NDUFA10: variants seen among roughly 807,000 people sequenced by gnomAD.
The protein encoded by NDUFA10 is NADH:ubiquinone oxidoreductase subunit A10, also known as NADH dehydrogenase [ubiquinone] 1 alpha subcomplex subunit 10, mitochondrial.
Under a neutral mutation model 47.8 loss-of-function variants are expected in NDUFA10, and 40 were observed. The observed-to-expected ratio is 0.84, with a 90% CI of 0.65 to 1.09. The LOEUF (loss-of-function observed/expected upper bound fraction) is 1.09. Ranked by LOEUF, NDUFA10 falls within the 50% of genes least tolerant of loss-of-function variation. The pLI, the probability that NDUFA10 is intolerant of heterozygous loss-of-function variation, is 0.00. For synonymous variants in NDUFA10, 183 were observed against 172.2 expected (o/e 1.06, Z -0.49); for missense variants, 413 against 451.1 (o/e 0.92, Z 0.76).
At chr2:239,976,007 T>G (rs1421466907) in intron 9 of NDUFA10, among the ~76,000 whole-genome samples, 3 of 152,222 alleles carry the variant, frequency 2.0e-5, no homozygotes, top group African/African-American at 4.8e-5. Flanking sequence ...AAAATTTATC[T>G]GATAGGGTTT....
chr2:239,916,198 A>G (rs1310824649), intron 4 of NDUFA10, among the ~76,000 whole-genome samples: 1 of 151,880 alleles, frequency 6.6e-6, no homozygotes, highest in Non-Finnish European at 1.5e-5. Context: ...CACAGAACAC[A>G]CACATACATA....
chr2:239,949,066 G>T (rs570428354), intron 4 of NDUFA10, among the ~76,000 whole-genome samples: 1 of 152,288 alleles, frequency 6.6e-6, no homozygotes, highest in East Asian at 1.9e-4. Context: ...CCCCACGAAT[G>T]CAATGGACAC....
At chr2:239,971,070 TA>T (rs1477240132) in intron 9 of NDUFA10, among the ~76,000 whole-genome samples, 1 of 152,254 alleles carries the variant, frequency 6.6e-6, no homozygotes, top group African/African-American at 2.4e-5. Flanking sequence ...ACAGCCCTAC[TA>T]CTGCTCTAGG....
chr2:240,011,835 G>T, intron 5 of NDUFA10, 139 bp from the exon 6 acceptor site: 1 of 742,570 alleles, frequency 1.3e-6, no homozygotes. Context: ...ACTGCGGGGT[G>T]ACAGCAAAGG....
At position 239,910,608 on chromosome 2, in the gene NDUFA10, G is replaced by A. The variant is rs1693734868; in HGVS notation, c.295-15294C>T. On this transcript the variant is annotated intron_variant, in intron 4 of 5. Coordinates refer to the NDUFA10 transcript ENST00000419408. ...AGGATCAGGAAGAGTAGCTATGGAT[G>A]CTGGGCTTAGTACCTGGGTGATGGG... Among the ~76,000 whole-genome samples, 4 of 152,112 alleles carry A rather than the reference G, an allele frequency of 2.6e-5. 1 individual carries two copies. The South Asian group carries it at 8.3e-4, about 32-fold the overall frequency.
chr2:239,990,020 C>T (rs769146731), intron 9 of NDUFA10, 54 bp downstream of exon 9: 14 of 1,292,194 alleles, frequency 1.1e-5, no homozygotes, highest in Non-Finnish European at 1.6e-5. Context: ...TGCATTGTCC[C>T]CAGGTGCTGC....
At chr2:239,926,884 A>G (rs182741837) in intron 4 of NDUFA10, among the ~76,000 whole-genome samples, 2 of 152,328 alleles carry the variant, frequency 1.3e-5, no homozygotes, top group Admixed American at 6.5e-5. Context: ...AGGCCTCACA[A>G]TCATGGTGGA....
intron 4 of NDUFA10, among the ~76,000 whole-genome samples, chr2:239,920,277 C>G (rs372434956): frequency 1.3e-5 from 2 of 152,344 alleles, no homozygotes; most frequent in East Asian, 1.9e-4. Flanking sequence ...GGACTGCCAT[C>G]CTGCAGAGCT....
At chr2:239,980,584 A>G (rs1297772437) in intron 9 of NDUFA10, among the ~76,000 whole-genome samples, 1 of 152,236 alleles carries the variant, frequency 6.6e-6, no homozygotes, top group East Asian at 1.9e-4. Context: ...ACCAGCACCA[A>G]AACAGGGTTT....
chr2:240,020,602 G>A (rs1258290042), intron 3 of NDUFA10, among the ~76,000 whole-genome samples: 1 of 152,048 alleles, frequency 6.6e-6, no homozygotes, highest in African/African-American at 2.4e-5. Flanking sequence ...TCTGATCCCT[G>A]TTTCCGTCTC....
In NDUFA10 at chr2:240,016,861, C is replaced by T. The variant is rs1697369872; in HGVS notation, c.547+1692G>A. Among the ~76,000 whole-genome samples, 1 of 152,178 alleles carries T rather than the reference C, an allele frequency of 6.6e-6. No individual in the cohort carries two copies. Among genetic ancestry groups the T allele is most frequent in the African/African-American group, 2.4e-5 (1 of 41,430 alleles). On this transcript the variant is annotated intron_variant, in intron 4 of 9. Transcript: ENST00000252711. The surrounding 1 kb of genome is among the most constrained non-coding windows in gnomAD (Gnocchi z 4.4). ...TCTCCTGCCACCTTGCCATGGGAAC[C>T]TCACACTCAGGAATCCAACGCCCAA...
At chr2:240,004,217 A>G (rs1696847422) in intron 8 of NDUFA10, among the ~76,000 whole-genome samples, 1 of 152,146 alleles carries the variant, frequency 6.6e-6, no homozygotes. Flanking sequence ...AGGGCCAGGG[A>G]GCAGCATGAA....
rs149850187 is a variant in NDUFA10 at position 239,921,790 on chromosome 2, C to T, written c.295-26476G>A. ...CCAGTTCCCTCTGGGTGAGGCCTCACGGAACCAGGCTCAGCCAGATCTGGG... is the reference window on the plus strand; with the variant it reads ...CCAGTTCCCTCTGGGTGAGGCCTCATGGAACCAGGCTCAGCCAGATCTGGG... On this transcript the variant is annotated intron_variant, in intron 4 of 5. Transcript: ENST00000419408. Among the ~76,000 whole-genome samples the T allele has an allele frequency of 4.1e-3, 623 of 152,230 alleles. 4 individuals carry two copies. Among genetic ancestry groups the T allele is most frequent in the Middle Eastern group, 0.024 (7 of 294 alleles).
At chr2:240,005,021 A>G (rs548272605) in intron 8 of NDUFA10, among the ~76,000 whole-genome samples, 189 bp downstream of exon 8, 1 of 152,364 alleles carries the variant, frequency 6.6e-6, no homozygotes, top group Non-Finnish European at 1.5e-5. Context: ...TTAAATTAAT[A>G]ATGGCACTCA....
At chr2:240,007,731 G>T (rs1697000189) in intron 6 of NDUFA10, among the ~76,000 whole-genome samples, 1 of 152,212 alleles carries the variant, frequency 6.6e-6, no homozygotes, top group Admixed American at 6.5e-5. Flanking sequence ...GCCAAAGGCA[G>T]TGCCCGCTGC....
At chr2:240,024,157 A>G (rs1249367893) in intron 1 of NDUFA10, among the ~76,000 whole-genome samples, 1 of 152,272 alleles carries the variant, frequency 6.6e-6, no homozygotes, top group Non-Finnish European at 1.5e-5. Flanking sequence ...TATTTCCAAA[A>G]AGAAATCTGC....
intron 4 of NDUFA10, among the ~76,000 whole-genome samples, chr2:239,922,290 C>A (rs971431973): frequency 2.0e-5 from 3 of 152,294 alleles, no homozygotes; most frequent in East Asian, 3.9e-4. Context: ...AGCTGGCCAA[C>A]CCCACAGTCT....
chr2:239,975,367 C>A (rs910825004), intron 9 of NDUFA10, among the ~76,000 whole-genome samples: 5 of 152,194 alleles, frequency 3.3e-5, no homozygotes, highest in African/African-American at 1.2e-4. Flanking sequence ...TATAGCAATG[C>A]GAGAACAGCC....
chr2:239,999,401 C>T (rs7564841), intron 8 of NDUFA10, among the ~76,000 whole-genome samples: 7,373 of 152,220 alleles, frequency 0.048, 630 homozygotes, highest in African/African-American at 0.17. Flanking sequence ...TCCTTGCATC[C>T]GAGGGGCTCT....
Sources: allele counts gnomAD v4.1 joint callset (sites outside exome capture counted in the v4.1 genomes callset), GRCh38; gene constraint gnomAD v4.1.1; non-coding constraint Gnocchi (gnomAD v3.1); transcripts MANE v1.5; gene names NCBI Gene and HGNC (gene_info 2026-07-23, HGNC 2026-07-21).